KIF26B: variants seen among roughly 807,000 people sequenced by gnomAD.
KIF26B encodes the protein kinesin-like protein KIF26B.
KIF26B carries 63 observed loss-of-function variants against 151.2 expected under a neutral mutation model. That is an observed-to-expected ratio of 0.42 (90% CI 0.34 to 0.51). The LOEUF (loss-of-function observed/expected upper bound fraction) is 0.51, where lower values mean the gene tolerates loss of function less well. Ranked by LOEUF, KIF26B falls within the 20% of genes least tolerant of loss-of-function variation. The pLI, the probability that KIF26B is intolerant of heterozygous loss-of-function variation, is 0.07. For missense variants in KIF26B, 2,813 were observed against 2,913.6 expected (o/e 0.97, Z 0.79); for synonymous variants, 1,357 against 1,262.1 (o/e 1.08, Z -1.59).
chr1:245,485,429 G>T (rs4658780), intron 4 of KIF26B, among the ~76,000 whole-genome samples: 62,468 of 148,956 alleles, frequency 0.42, 14,632 homozygotes, highest in Non-Finnish European at 0.52. Context: ...TGTCACCCAG[G>T]CTGGAGTGCA....
chr1:245,460,284 GTTTTGT>G (rs929117185), intron 4 of KIF26B, among the ~76,000 whole-genome samples: 1 of 151,920 alleles, frequency 6.6e-6, no homozygotes, highest in Non-Finnish European at 1.5e-5. Context: ...TGTTTTTTTT[GTTTTGT>G]TTTTGTTTTT....
chr1:245,377,998 C>T (rs1419685771), intron 3 of KIF26B, among the ~76,000 whole-genome samples: 1 of 152,152 alleles, frequency 6.6e-6, no homozygotes, highest in Non-Finnish European at 1.5e-5. Context: ...ACAGCCTCCT[C>T]TTCTGAACTT....
chr1:245,233,096 C>A (rs886215901), intron 2 of KIF26B, among the ~76,000 whole-genome samples: 1 of 152,176 alleles, frequency 6.6e-6, no homozygotes, highest in Non-Finnish European at 1.5e-5. Context: ...GGATTACAGA[C>A]GCACTTTCTC....
intron 2 of KIF26B, among the ~76,000 whole-genome samples, chr1:245,293,656 G>A (rs890705396): frequency 2.7e-5 from 4 of 148,730 alleles, no homozygotes; most frequent in Non-Finnish European, 4.4e-5. Flanking sequence ...TCCACTCACC[G>A]CAACTTCCAC....
chr1:245,243,162 T>C (rs192233088), intron 2 of KIF26B, among the ~76,000 whole-genome samples: 7 of 152,332 alleles, frequency 4.6e-5, no homozygotes, highest in Middle Eastern at 3.4e-3. Context: ...CTCTCCAAAG[T>C]GGCTGTTCCA....
In KIF26B at chr1:245,170,622, C is replaced by G. The variant is rs951532356; in HGVS notation, c.465+13939C>G. Among the ~76,000 whole-genome samples the G allele has an allele frequency of 6.6e-6, 1 of 152,154 alleles. No individual in the cohort carries two copies. ...CATCAGATTGAGTGTCTTGTGAGGTCTGCTTTTTGATTCATAGATGGCACT... is the reference window on the plus strand; with the variant it reads ...CATCAGATTGAGTGTCTTGTGAGGTGTGCTTTTTGATTCATAGATGGCACT... On this transcript the variant is annotated intron_variant, in intron 2 of 14. Transcript: ENST00000407071. This position sits in a 1 kb window ranked among gnomAD's most constrained non-coding sequence, Gnocchi z 4.4.
In KIF26B at chr1:245,358,514, C is replaced by T. The variant is rs1234850633; in HGVS notation, c.466-8320C>T. ...CAGCCTGGGCTACAGAGTGAGACTC[C>T]GTCTCAAAACAAAACAAAACAAAAC... On this transcript the variant is annotated intron_variant, in intron 2 of 14. Transcript: ENST00000407071. The surrounding 1 kb of genome is among the most constrained non-coding windows in gnomAD (Gnocchi z 4.1). 3.3e-5 allele frequency among the ~76,000 whole-genome samples: 5 copies of T among 151,148 alleles called. No homozygotes were observed. The highest frequency in any genetic ancestry group is 4.9e-5 in the African/African-American group (2 of 40,544).
intron 2 of KIF26B, among the ~76,000 whole-genome samples, chr1:245,307,383 C>G (rs2102980558): frequency 6.6e-6 from 1 of 151,426 alleles, no homozygotes. Context: ...TCCTTGGCTC[C>G]TCTGCTAATG....
intron 4 of KIF26B, among the ~76,000 whole-genome samples, chr1:245,463,248 C>G (rs1370533485): frequency 3.3e-5 from 5 of 152,170 alleles, no homozygotes; most frequent in African/African-American, 1.2e-4. Flanking sequence ...CACGTCAATC[C>G]CACTAGGTAG....
intron 3 of KIF26B, among the ~76,000 whole-genome samples, chr1:245,369,116 T>C (rs904220901): frequency 3.3e-5 from 5 of 151,468 alleles, no homozygotes; most frequent in African/African-American, 4.9e-5. Context: ...CCAGCAGCAC[T>C]GCACTCCAGC....
chr1:245,629,499 G>T (rs932384424), intron 9 of KIF26B, among the ~76,000 whole-genome samples: 1 of 152,108 alleles, frequency 6.6e-6, no homozygotes, highest in Non-Finnish European at 1.5e-5. Context: ...AATGGAGAAA[G>T]AACTCCCTAT....
chr1:245,395,250 G>A (rs1397511709), intron 3 of KIF26B, among the ~76,000 whole-genome samples: 1 of 152,180 alleles, frequency 6.6e-6, no homozygotes, highest in Non-Finnish European at 1.5e-5. Flanking sequence ...AGGATGCTCT[G>A]GCTTTCCAGG....
chr1:245,432,452 T>G (rs1367916936), intron 4 of KIF26B, among the ~76,000 whole-genome samples: 1 of 152,140 alleles, frequency 6.6e-6, no homozygotes, highest in East Asian at 1.9e-4. Context: ...CCTGGGACAA[T>G]AAACCAAAGA....
rs140910393 is a variant in KIF26B, at chr1:245,244,376, C to T, written c.465+87693C>T. Among the ~76,000 whole-genome samples the T allele has an allele frequency of 1.3e-5, 2 of 152,206 alleles. No individual in the cohort carries two copies. Among genetic ancestry groups the T allele is most frequent in the African/African-American group, 4.8e-5 (2 of 41,536 alleles). On this transcript the variant is annotated intron_variant, in intron 2 of 14. Coordinates refer to ENST00000407071, the MANE Select transcript of KIF26B (RefSeq NM_018012.4). The surrounding 1 kb of genome is among the most constrained non-coding windows in gnomAD (Gnocchi z 4.2). ...TCTCTTCTTGGGAAATATGGAATGACGTCTTGCATATTGTCATGATATGTA... is the reference window on the plus strand; with the variant it reads ...TCTCTTCTTGGGAAATATGGAATGATGTCTTGCATATTGTCATGATATGTA...
intron 4 of KIF26B, among the ~76,000 whole-genome samples, chr1:245,517,014 G>C (rs1360306303): frequency 6.6e-6 from 1 of 152,198 alleles, no homozygotes; most frequent in Non-Finnish European, 1.5e-5. Context: ...ATTAGTAAGT[G>C]TAGGCAAACA....
Position 245,539,739 on chromosome 1 carries a change from G to A in KIF26B, c.1167-1028G>A, listed in dbSNP as rs992387326. ...GCTATCTGGGCTCACTGCAACCTCC[G>A]CCTCCTGGGTTCAAGCGATCCTCCT... On this transcript the variant is annotated intron_variant, in intron 4 of 14. Coordinates refer to ENST00000407071, the MANE Select transcript of KIF26B (RefSeq NM_018012.4). 6.6e-5 allele frequency among the ~76,000 whole-genome samples: 10 copies of A among 152,196 alleles called. No homozygotes were observed. In the East Asian group the frequency reaches 7.7e-4, roughly 12 times the overall value.
intron 2 of KIF26B, among the ~76,000 whole-genome samples, chr1:245,275,840 A>G (rs1031106995): frequency 6.6e-6 from 1 of 152,146 alleles, no homozygotes; most frequent in African/African-American, 2.4e-5. Context: ...AAGTCAGTCT[A>G]GTAGCAAGGA....
chr1:245,333,996 G>GT (rs753564255), intron 2 of KIF26B, among the ~76,000 whole-genome samples: 25 of 150,858 alleles, frequency 1.7e-4, no homozygotes, highest in Non-Finnish European at 2.5e-4. Flanking sequence ...GAGACTCCGT[G>GT]TCAAAAAAAA....
At chr1:245,490,383 C>A (rs772042336) in intron 4 of KIF26B, among the ~76,000 whole-genome samples, 2 of 145,538 alleles carry the variant, frequency 1.4e-5, no homozygotes, top group Non-Finnish European at 3.0e-5. Flanking sequence ...GCGATCTCGG[C>A]TCACTGCAAC....
Sources: allele counts gnomAD v4.1 joint callset (sites outside exome capture counted in the v4.1 genomes callset), GRCh38; gene constraint gnomAD v4.1.1; non-coding constraint Gnocchi (gnomAD v3.1); transcripts MANE v1.5; gene names NCBI Gene and HGNC (gene_info 2026-07-23, HGNC 2026-07-21).